The following BICRAL variants were observed in gnomAD, a reference collection of about 807,000 sequenced individuals.
The protein encoded by BICRAL is BICRA like chromatin remodeling complex associated protein.
BICRAL carries 8 observed loss-of-function variants against 91.8 expected under a neutral mutation model. The observed-to-expected ratio is 0.09, with a 90% confidence interval of 0.05 to 0.16. BICRAL has a LOEUF of 0.16. Among genes scored for constraint, BICRAL ranks in the 10% least tolerant of loss-of-function variants. The pLI is 1.00. For missense variants in BICRAL, 1,038 were observed against 1,310.9 expected (o/e 0.79, Z 3.21); for synonymous variants, 445 against 491.1 (o/e 0.91, Z 1.24).
At chr6:42,795,510 C>A (rs1763394260) in intron 1 of BICRAL, among the ~76,000 whole-genome samples, 1 of 152,098 alleles carries the variant, frequency 6.6e-6, no homozygotes, top group South Asian at 2.1e-4. Flanking sequence ...TCATATATTA[C>A]CTAAATTCCC....
intron 1 of BICRAL, among the ~76,000 whole-genome samples, chr6:42,774,459 C>G (rs1192131553): frequency 6.6e-6 from 1 of 152,110 alleles, no homozygotes; most frequent in African/African-American, 2.4e-5. Flanking sequence ...GCATTTTCAC[C>G]AGGCCGCGTG....
upstream of BICRAL, among the ~76,000 whole-genome samples, chr6:42,780,374 TTAAA>T (rs1762880414): frequency 6.6e-6 from 1 of 152,186 alleles, no homozygotes; most frequent in Non-Finnish European, 1.5e-5. Flanking sequence ...ATAATTTCAC[TTAAA>T]TAATTTTAAT....
At chr6:42,847,283 A>G (rs1051767557) in intron 6 of BICRAL, among the ~76,000 whole-genome samples, 40 of 152,112 alleles carry the variant, frequency 2.6e-4, no homozygotes, top group Admixed American at 1.9e-3. Flanking sequence ...ACCTCTCAAA[A>G]CCTTTTTAAA....
chr6:42,754,545 C>A (rs533816417), intron 1 of BICRAL, among the ~76,000 whole-genome samples: 1 of 152,294 alleles, frequency 6.6e-6, no homozygotes, highest in East Asian at 1.9e-4. Context: ...ACAATAAATA[C>A]TCTTACTATG....
rs371546746 is a variant in BICRAL at position 42,755,054 on chromosome 6, A to G, written c.-261+8031A>G. ...GACTCTGATAGTTTCTGCGTCCTCT[A>G]TAAAGCAGACAGTGAGGTCTCATGC... is the stretch of plus-strand genomic sequence containing the variant. On this transcript the variant is annotated intron_variant, in intron 1 of 14. Transcript: ENST00000614467. 1.4e-4 allele frequency among the ~76,000 whole-genome samples: 21 copies of G among 152,354 alleles called. No homozygotes were observed. The South Asian group carries it at 3.5e-3, about 26-fold the overall frequency.
At chr6:42,777,861 C>A (rs1470652602), upstream of BICRAL, among the ~76,000 whole-genome samples, 1 of 151,970 alleles carries the variant, frequency 6.6e-6, no homozygotes, top group African/African-American at 2.4e-5. Context: ...TTTTATTGTA[C>A]ATAATTAAAT....
At chr6:42,852,234 C>T (rs779357832) in intron 7 of BICRAL, 37 bp downstream of exon 7, 2 of 1,178,618 alleles carry the variant, frequency 1.7e-6, no homozygotes, top group East Asian at 4.7e-5. Context: ...GTCCTCCCAA[C>T]ACCACGGGAT....
At chr6:42,773,567 T>A (rs1762769929) in intron 1 of BICRAL, among the ~76,000 whole-genome samples, 1 of 151,920 alleles carries the variant, frequency 6.6e-6, no homozygotes, top group African/African-American at 2.4e-5. Context: ...CAGGCTAGGG[T>A]GCAATGGCAC....
Position 42,821,953 on chromosome 6 carries a change from G to T in BICRAL, c.-5-65G>T, listed in dbSNP as rs1312948527. On this transcript the variant is annotated intron_variant, in intron 2 of 12. Coordinates refer to ENST00000314073, the MANE Select transcript of BICRAL (RefSeq NM_001393499.1). ...AAAGTGTAAGGCATACTTTTGTATTGCATTGATACTACTGTCTTTAATCTG... is the reference window on the plus strand; with the variant it reads ...AAAGTGTAAGGCATACTTTTGTATTTCATTGATACTACTGTCTTTAATCTG... The T allele has an allele frequency of 3.2e-6, 3 of 931,790 alleles. No individual in the cohort carries two copies. The Admixed American group carries it at 5.5e-5, about 17-fold the overall frequency. The allele number at this position is 931,790 out of a possible 1,614,324, so 57.7% of individuals were successfully genotyped here. A position where few individuals can be genotyped will look rare whatever the true frequency, so the allele number is the denominator to read the frequency against.
At position 42,810,293 on chromosome 6, in the gene BICRAL, T is replaced by A. The variant is rs1382789222; in HGVS notation, c.-101-13T>A. The A allele has an allele frequency of 6.6e-6, 1 of 152,222 alleles. No homozygotes were observed. 9.4% of individuals were successfully genotyped at this position (152,222 alleles called of 1,614,324 possible). A position where few individuals can be genotyped will look rare whatever the true frequency, so the allele number is the denominator to read the frequency against. On this transcript the variant is annotated splice_polypyrimidine_tract_variant and intron_variant, in intron 1 of 12. Coordinates refer to ENST00000314073, the MANE Select transcript of BICRAL (RefSeq NM_001393499.1). ...GGATATAATTGTGAAAATATTGTCA[T>A]GTTTTCTTCTAGCAAAACGTCATAT...
At chr6:42,749,807 T>A (rs1762348703) in intron 1 of BICRAL, among the ~76,000 whole-genome samples, 2 of 152,106 alleles carry the variant, frequency 1.3e-5, no homozygotes, top group South Asian at 4.1e-4. Flanking sequence ...TTATTTCATA[T>A]TTTATTGTCT....
rs892282650 is a variant in BICRAL, at chr6:42,866,932, A to T, written c.*1486A>T. ...GCACTCTTCTCCCACACATACACAC[A>T]CGTGCATGTATCTGAGCTGCTCGGA... On this transcript the variant is annotated 3_prime_UTR_variant, in exon 13 of 13. Coordinates refer to ENST00000314073, the MANE Select transcript of BICRAL (RefSeq NM_001393499.1). 12 of 454,256 alleles carry T rather than the reference A, an allele frequency of 2.6e-5. No homozygotes were observed. The highest frequency in any genetic ancestry group is 5.3e-5 in the Non-Finnish European group (12 of 225,812). 28.1% of individuals were successfully genotyped at this position (454,256 alleles called of 1,614,324 possible). A position where few individuals can be genotyped will look rare whatever the true frequency, so the allele number is the denominator to read the frequency against.
intron 1 of BICRAL, among the ~76,000 whole-genome samples, chr6:42,784,699 TCTTCCCC>T (rs1763050532): frequency 6.6e-6 from 1 of 152,224 alleles, no homozygotes; most frequent in Non-Finnish European, 1.5e-5. Flanking sequence ...AAAGCTGTAT[TCTTCCCC>T]CTACACCTAT....
chr6:42,763,017 G>A (rs1198880638), intron 1 of BICRAL, among the ~76,000 whole-genome samples: 1 of 152,078 alleles, frequency 6.6e-6, no homozygotes, highest in Non-Finnish European at 1.5e-5. Context: ...CTTACTGATA[G>A]AGCTAGTAAA....
intron 2 of BICRAL, among the ~76,000 whole-genome samples, chr6:42,816,740 C>T (rs558546070): frequency 2.6e-4 from 40 of 152,220 alleles, no homozygotes; most frequent in African/African-American, 4.6e-4. Flanking sequence ...ATCAGCCGGG[C>T]GTGGTGGCTC....
At chr6:42,759,427 G>A (rs1223874325) in intron 1 of BICRAL, among the ~76,000 whole-genome samples, 1 of 152,194 alleles carries the variant, frequency 6.6e-6, no homozygotes, top group African/African-American at 2.4e-5. Context: ...GGAGGCCATT[G>A]CAGGAGCCAG....
chr6:42,841,488 A>G (rs1224995422), intron 6 of BICRAL, among the ~76,000 whole-genome samples: 1 of 151,970 alleles, frequency 6.6e-6, no homozygotes, highest in Non-Finnish European at 1.5e-5. Flanking sequence ...TGCCCTGCCA[A>G]TCGCTCTGAA....
chr6:42,758,367 C>G (rs75754141), intron 1 of BICRAL, among the ~76,000 whole-genome samples: 3 of 152,160 alleles, frequency 2.0e-5, no homozygotes, highest in African/African-American at 7.2e-5. Flanking sequence ...GCATCTGGCC[C>G]GCGGTGTACC....
At chr6:42,779,556 C>A (rs1201966150), upstream of BICRAL, among the ~76,000 whole-genome samples, 3 of 152,170 alleles carry the variant, frequency 2.0e-5, no homozygotes, top group African/African-American at 4.8e-5. Context: ...TGAGAAAACA[C>A]CTCAATGATA....
Sources: allele counts gnomAD v4.1 joint callset (sites outside exome capture counted in the v4.1 genomes callset), GRCh38; gene constraint gnomAD v4.1.1; transcripts MANE v1.5; gene names NCBI Gene and HGNC (gene_info 2026-07-23, HGNC 2026-07-21).